The following NEK10 variants were observed in gnomAD, a reference collection of about 807,000 sequenced individuals.
NEK10 encodes NIMA related kinase 10, also known as serine/threonine-protein kinase Nek10.
In NEK10, 122 loss-of-function variants were observed where a neutral mutation model predicts 159.8. The observed-to-expected ratio is 0.76, with a 90% CI of 0.66 to 0.89. The LOEUF (loss-of-function observed/expected upper bound fraction) is 0.89. NEK10 is among the 40% of genes least tolerant of loss of function. NEK10 has a pLI of 0.00. For synonymous variants in NEK10, 466 were observed against 457.1 expected, an observed-to-expected ratio of 1.02 and a Z score of -0.25; for missense variants, 1,342 against 1,323.1, an observed-to-expected ratio of 1.01 and a Z score of -0.22.
At chr3:27,139,769 C>A (rs1482275117) in intron 31 of NEK10, among the ~76,000 whole-genome samples, 1 of 152,162 alleles carries the variant, frequency 6.6e-6, no homozygotes, top group African/African-American at 2.4e-5. Context: ...ATTTCAAAGG[C>A]TCAGAGAGAC....
chr3:27,193,029 T>C (rs1949247260), intron 25 of NEK10, among the ~76,000 whole-genome samples: 1 of 152,192 alleles, frequency 6.6e-6, no homozygotes. Context: ...ACCTGTAAAA[T>C]GGGATAATTA....
Position 27,291,483 on chromosome 3 carries a change from C to T in NEK10, c.1476+1G>A, listed in dbSNP as rs1482048635. ...CAAAATATTGAAAACTCAGGACTTA[C>T]CACTAATAAATTCAGCTTGGATACC... On this transcript the variant is annotated splice_donor_variant, in intron 17 of 35. Coordinates refer to ENST00000691995, the MANE Select transcript of NEK10 (RefSeq NM_001394966.1). LOFTEE classifies it high-confidence loss of function. The T allele has an allele frequency of 6.2e-7, 1 of 1,603,186 alleles. No individual in the cohort carries two copies. The highest frequency in any genetic ancestry group is 8.5e-7 in the Non-Finnish European group (1 of 1,170,080).
At chr3:27,174,884 T>C (rs755882301) in intron 26 of NEK10, 51 bp from the exon 27 acceptor site, 2 of 1,433,436 alleles carry the variant, frequency 1.4e-6, no homozygotes, top group South Asian at 2.7e-5. Flanking sequence ...TCCTTCCTTC[T>C]ATAGGACCTA....
chr3:27,209,618 A>G (rs1950827856), intron 23 of NEK10, among the ~76,000 whole-genome samples: 1 of 152,220 alleles, frequency 6.6e-6, no homozygotes, highest in Non-Finnish European at 1.5e-5. Context: ...ATGTCTCTGT[A>G]AATGTTAAGT....
At chr3:27,298,530 G>A (rs1052843683) in intron 13 of NEK10, among the ~76,000 whole-genome samples, 21 of 152,190 alleles carry the variant, frequency 1.4e-4, no homozygotes, top group Non-Finnish European at 5.9e-5. Flanking sequence ...ATTGGTACCA[G>A]TAGAGTCGGG....
chr3:27,289,482 G>C (rs901292786), intron 19 of NEK10, among the ~76,000 whole-genome samples: 3 of 152,196 alleles, frequency 2.0e-5, no homozygotes, highest in Non-Finnish European at 4.4e-5. Flanking sequence ...TCTGACCCTA[G>C]TTTGACAGTT....
At chr3:27,113,397 CT>C (rs1269138576) in intron 35 of NEK10, among the ~76,000 whole-genome samples, 6 of 125,704 alleles carry the variant, frequency 4.8e-5, no homozygotes, top group Non-Finnish European at 7.8e-5. Context: ...CACCATTGCA[CT>C]TCAGCCTGGC....
intron 3 of NEK10, among the ~76,000 whole-genome samples, chr3:27,349,546 C>T (rs896133550): frequency 6.6e-6 from 1 of 152,164 alleles, no homozygotes; most frequent in East Asian, 1.9e-4. Context: ...GTTCTTTCTA[C>T]AGCATCTATC....
At chr3:27,307,643 T>C (rs1005077401) in intron 11 of NEK10, among the ~76,000 whole-genome samples, 1 of 152,206 alleles carries the variant, frequency 6.6e-6, no homozygotes, top group South Asian at 2.1e-4. Context: ...TTTCATCAGC[T>C]TCTATGCCCA....
At chr3:27,150,151 G>GAA (rs1351306345) in intron 30 of NEK10, among the ~76,000 whole-genome samples, 1 of 152,158 alleles carries the variant, frequency 6.6e-6, no homozygotes, top group Non-Finnish European at 1.5e-5. Flanking sequence ...TTTAAGGAGA[G>GAA]AAGCCATTTC....
chr3:27,314,845 A>G (rs981065573), intron 6 of NEK10, among the ~76,000 whole-genome samples: 2 of 151,948 alleles, frequency 1.3e-5, no homozygotes, highest in Admixed American at 1.3e-4. Context: ...TCCTGCACCC[A>G]CCCCAGACCT....
Position 27,111,234 on chromosome 3 carries a change from T to G in NEK10, c.*38A>C, listed in dbSNP as rs1187539686. 8 of 1,597,146 alleles carry G rather than the reference T, an allele frequency of 5.0e-6. No homozygotes were observed. Among genetic ancestry groups the G allele is most frequent in the Middle Eastern group, 3.3e-4 (2 of 6,008 alleles). ...GCGGCTGAAGTCCAGAACTTGAACT[T>G]CACTGAGAAAATCAAGTCCACTCAA... On this transcript the variant is annotated 3_prime_UTR_variant, in exon 36 of 36. Transcript: ENST00000691995.
chr3:27,194,964 T>G (rs1401401223), intron 25 of NEK10, among the ~76,000 whole-genome samples: 1 of 152,180 alleles, frequency 6.6e-6, no homozygotes, highest in Non-Finnish European at 1.5e-5. Context: ...TTCTCCCAAT[T>G]TGAAGGCCTG....
intron 24 of NEK10, 89 bp from the exon 25 acceptor site, chr3:27,201,669 T>A: frequency 1.1e-6 from 1 of 888,038 alleles, no homozygotes; most frequent in Non-Finnish European, 1.8e-6. Flanking sequence ...TGAGAGTTAC[T>A]AATTAAGCAG....
rs542925614 is a variant in NEK10 at position 27,258,680 on chromosome 3, C to T, written c.2015-2309G>A. Among the ~76,000 whole-genome samples the T allele has an allele frequency of 2.9e-4, 44 of 152,194 alleles. No homozygotes were observed. In the Middle Eastern group the frequency reaches 0.014, roughly 47 times the overall value. ...TGTGAATAGTGCCGCAATAAACTTACGTGTTCATGTGTCTTTATATCAGCA... is the reference window on the plus strand; with the variant it reads ...TGTGAATAGTGCCGCAATAAACTTATGTGTTCATGTGTCTTTATATCAGCA... On this transcript the variant is annotated intron_variant, in intron 22 of 35. Transcript: ENST00000691995.
intron 5 of NEK10, among the ~76,000 whole-genome samples, chr3:27,327,077 T>C (rs1490255198): frequency 1.3e-5 from 2 of 152,148 alleles, no homozygotes; most frequent in Non-Finnish European, 2.9e-5. Flanking sequence ...GACTCAGCAA[T>C]TGTGGCCTGG....
At chr3:27,335,557 A>C (rs1271096934) in intron 5 of NEK10, among the ~76,000 whole-genome samples, 1 of 152,208 alleles carries the variant, frequency 6.6e-6, no homozygotes, top group African/African-American at 2.4e-5. Context: ...ACAACTGCAA[A>C]ATACAGTTCT....
intron 6 of NEK10, among the ~76,000 whole-genome samples, chr3:27,320,317 T>C (rs937630461): frequency 1.3e-5 from 2 of 152,232 alleles, no homozygotes; most frequent in Middle Eastern, 3.4e-3. Flanking sequence ...AGTAAGACAC[T>C]CTTATCAACA....
chr3:27,310,620 G>T, intron 9 of NEK10: 1 of 213,386 alleles, frequency 4.7e-6, no homozygotes, highest in Non-Finnish European at 9.2e-6. Context: ...GTTTATTTCT[G>T]TTGACTTATT....
Sources: gnomAD v4.1 joint callset for allele counts (sites outside exome capture counted in the v4.1 genomes callset) on GRCh38, gnomAD v4.1.1 for gene constraint, MANE v1.5 for transcripts, NCBI Gene and HGNC (gene_info 2026-07-23, HGNC 2026-07-21) for gene names.